The following CDR2L variants were observed in gnomAD, a reference collection of about 807,000 sequenced individuals.
CDR2L encodes the protein cerebellar degeneration related protein 2 like.
Under a neutral mutation model 36.1 loss-of-function variants are expected in CDR2L, and 19 were observed. The ratio of observed to expected loss-of-function variants is 0.53; its 90% confidence interval spans 0.37 to 0.77. CDR2L has a LOEUF of 0.77. CDR2L is among the 30% of genes least tolerant of loss of function. CDR2L has a pLI of 0.00. For synonymous variants in CDR2L, 285 were observed against 280.4 expected (o/e 1.02, Z -0.16); for missense variants, 575 against 627.2 (o/e 0.92, Z 0.89).
At position 75,003,721 on chromosome 17, in the gene CDR2L, G is replaced by A. The variant is rs2039884051; in HGVS notation, c.1045G>A (p.Gly349Ser). The A allele has an allele frequency of 2.0e-6, 3 of 1,470,336 alleles. No individual in the cohort carries two copies. The highest frequency in any genetic ancestry group is 1.8e-6 in the Non-Finnish European group (2 of 1,109,146). The allele number at this position is 1,470,336 out of a possible 1,614,324, so 91.1% of individuals were successfully genotyped here. Residue 349 changes from glycine (G) to serine (S), a missense_variant, in exon 5 of 5, where the codon GGC becomes AGC. By Grantham distance (56) the Gly-to-Ser change is moderately conservative (BLOSUM62 0). Transcript: ENST00000337231. ...GCACGCCAACAGCGTGCGCAAGCGG[G>A]GCATGTCCATCCTGCGGGAGGTGGA... ...TLHANSVRKR[G>S]MSILREVDEQ... is the part of the protein sequence containing the mutation.
chr17:75,003,844 C>T lies in CDR2L; in HGVS notation c.1168C>T (p.Arg390Cys). 2 of 1,577,126 alleles carry T rather than the reference C, an allele frequency of 1.3e-6. No individual in the cohort carries two copies. Among genetic ancestry groups the T allele is most frequent in the Non-Finnish European group, 1.7e-6 (2 of 1,162,596 alleles). Residue 390 changes from arginine to cysteine, a missense_variant, in exon 5 of 5, where the codon CGC becomes TGC. Arg to Cys is a radical substitution (Grantham distance 180, BLOSUM62 -3). Transcript: ENST00000337231. ...GVRHAGVQTS[R>C]PISRDSSWRD... ...GCGGCACGCCGGCGTGCAGACCTCG[C>T]GCCCCATCTCCCGGGACAGCTCGTG...
intron 3 of CDR2L, 127 bp downstream of exon 3, chr17:75,001,616 C>A: frequency 1.1e-6 from 1 of 872,746 alleles, no homozygotes; most frequent in Admixed American, 3.5e-5. Context: ...TGGGAGTGAG[C>A]TTGTCCTTGT....
intron 1 of CDR2L, among the ~76,000 whole-genome samples, chr17:74,991,574 G>A (rs1021912805): frequency 1.3e-4 from 20 of 151,704 alleles, no homozygotes; most frequent in Admixed American, 6.6e-4. Context: ...AAAATTAGCC[G>A]GGCGCGGTGG....
rs190345265 is a variant in CDR2L at position 74,994,036 on chromosome 17, C to G, written c.80-5468C>G. Among the ~76,000 whole-genome samples the G allele has an allele frequency of 3.3e-4, 51 of 152,336 alleles. 1 individual carries two copies. The highest frequency in any genetic ancestry group is 3.1e-3 in the Admixed American group (47 of 15,300). On this transcript the variant is annotated intron_variant, in intron 1 of 4. Transcript: ENST00000337231. ...GGCCCAAGGCTCTGCCCTCAGCTGC[C>G]CACCAAGAGTCACTGCTTGCCTGGG...
chr17:74,990,560 G>T (rs1010804899), intron 1 of CDR2L, among the ~76,000 whole-genome samples: 1 of 152,222 alleles, frequency 6.6e-6, no homozygotes, highest in Admixed American at 6.5e-5. Flanking sequence ...GACTTAGAAA[G>T]GTTTATGCCA....
chr17:75,000,530 C>T (rs1162048652), intron 2 of CDR2L, among the ~76,000 whole-genome samples: 1 of 147,488 alleles, frequency 6.8e-6, no homozygotes, highest in Non-Finnish European at 1.5e-5. Context: ...CATCTCCTGA[C>T]CTCGTGATCT....
At chr17:74,999,648 CT>C (rs1182618346) in intron 2 of CDR2L, 32 bp downstream of exon 2, 1 of 1,352,000 alleles carries the variant, frequency 7.4e-7, no homozygotes, top group East Asian at 2.5e-5. Flanking sequence ...GCCCACACCC[CT>C]CGAGGGCCCC....
intron 1 of CDR2L, among the ~76,000 whole-genome samples, chr17:74,992,937 C>T (rs535531907): frequency 1.3e-5 from 2 of 152,332 alleles, no homozygotes; most frequent in African/African-American, 4.8e-5. Flanking sequence ...ACCTCTGATG[C>T]AGTGGCTTTG....
At chr17:74,993,899 C>T (rs2039810699) in intron 1 of CDR2L, among the ~76,000 whole-genome samples, 1 of 152,212 alleles carries the variant, frequency 6.6e-6, no homozygotes, top group Admixed American at 6.5e-5. Flanking sequence ...CAGGATCAGA[C>T]TCCGGATTTG....
chr17:74,996,852 G>C (rs1312509281), intron 1 of CDR2L, among the ~76,000 whole-genome samples: 3 of 152,078 alleles, frequency 2.0e-5, no homozygotes, highest in African/African-American at 4.8e-5. Context: ...CCCGATACCT[G>C]AATTCTCCCC....
rs1340929213 is a variant in CDR2L at position 74,989,982 on chromosome 17, G to C, written c.79+1860G>C. 1.3e-5 allele frequency among the ~76,000 whole-genome samples: 2 copies of C among 152,220 alleles called. No homozygotes were observed. The highest frequency in any genetic ancestry group is 2.9e-5 in the Non-Finnish European group (2 of 68,040). ...GCAGTGGGGAGGGCTTCCTGGAAGA[G>C]CCAGGCTTAGAAAGAAAGATCAGAA... is the stretch of plus-strand genomic sequence containing the variant. On this transcript the variant is annotated intron_variant, in intron 1 of 4. Transcript: ENST00000337231. This position sits in a 1 kb window ranked among gnomAD's most constrained non-coding sequence, Gnocchi z 4.2.
intron 1 of CDR2L, among the ~76,000 whole-genome samples, chr17:74,997,074 TTCTTTCTTTC>T (rs1439572757): frequency 0.028 from 100 of 3,616 alleles, 11 homozygotes; most frequent in Non-Finnish European, 0.091. Flanking sequence ...CTTTCTTTCT[TTCTTTCTTTC>T]TTTTTTTTTT....
intron 1 of CDR2L, among the ~76,000 whole-genome samples, chr17:74,988,732 C>T (rs1179725887): frequency 6.6e-6 from 1 of 152,200 alleles, no homozygotes; most frequent in Non-Finnish European, 1.5e-5. Context: ...GCCCGGTCCC[C>T]TTGCAAATGG....
chr17:74,999,554 G>T lies in CDR2L; in HGVS notation c.130G>T (p.Glu44Ter). 1 of 1,589,486 alleles carries T rather than the reference G, an allele frequency of 6.3e-7. No individual in the cohort carries two copies. The highest frequency in any genetic ancestry group is 8.6e-7 in the Non-Finnish European group (1 of 1,168,326). ...GAAGACTCTGCTGGAGAGGAACAAG[G>T]AGCTGGAGGGGTCCCTGCAGCAGAT... ...LGKTLLERNK[E>*]LEGSLQQMYS... Residue 44 changes from glutamate to a stop codon, truncating the protein, a stop_gained, in exon 2 of 5, where the codon GAG (glutamate) becomes TAG (stop). Coordinates refer to ENST00000337231, the MANE Select transcript of CDR2L (RefSeq NM_014603.3). LOFTEE classifies it high-confidence loss of function.
Position 75,002,577 on chromosome 17 carries a change from A to G in CDR2L, c.506+349A>G, listed in dbSNP as rs575230858. On this transcript the variant is annotated intron_variant, in intron 4 of 4. Transcript: ENST00000337231. This position sits in a 1 kb window ranked among gnomAD's most constrained non-coding sequence, Gnocchi z 4.1. The stretch of plus-strand genomic sequence containing the variant: ...TAACCCACTGTGCTTTTCAGTTCCC[A>G]TTAAATCTAACACTAGACAACCACT... 2.2e-4 allele frequency among the ~76,000 whole-genome samples: 34 copies of G among 152,364 alleles called. 2 individuals carry two copies. In the South Asian group the frequency reaches 6.8e-3, roughly 31 times the overall value.
intron 1 of CDR2L, among the ~76,000 whole-genome samples, chr17:74,988,794 G>C (rs929166145): frequency 2.0e-5 from 3 of 152,284 alleles, no homozygotes; most frequent in African/African-American, 7.2e-5. Flanking sequence ...TGTGCCAGGC[G>C]AGAGACCGAA....
In CDR2L at chr17:75,003,807, C is replaced by G. The variant is rs529109614; in HGVS notation, c.1131C>G (p.His377Gln). Residue 377 changes from histidine to glutamine, a missense_variant, in exon 5 of 5, where the codon CAC (histidine) becomes CAG (glutamine). Coordinates refer to ENST00000337231, the MANE Select transcript of CDR2L (RefSeq NM_014603.3). ...AGCTGCTGAGCAAGTGCCGGCAGCA[C>G]GGGGCCGGAGTGCGGCACGCCGGCG... The part of the protein sequence containing the change: ...YEELLSKCRQ[H>Q]GAGVRHAGVQ... The G allele has an allele frequency of 3.2e-6, 5 of 1,542,278 alleles. No homozygotes were observed. The South Asian group carries it at 3.6e-5, about 11-fold the overall frequency.
intron 1 of CDR2L, among the ~76,000 whole-genome samples, 179 bp from the exon 2 acceptor site, chr17:74,999,325 C>CACACA (rs368672422): frequency 6.6e-6 from 1 of 150,976 alleles, no homozygotes; most frequent in South Asian, 2.1e-4. Flanking sequence ...CAGACACACA[C>CACACA]AAAAAGAACA....
Position 74,988,118 on chromosome 17 carries a change from G to A in CDR2L, c.75G>A (p.Glu25=). 1.3e-6 allele frequency: 2 copies of A among 1,531,082 alleles called. No individual in the cohort carries two copies. The highest frequency in any genetic ancestry group is 1.2e-5 in the South Asian group (1 of 82,540). The allele number at this position is 1,531,082 out of a possible 1,614,324, so 94.8% of individuals were successfully genotyped here. ...CCTGGTACGACCAGCAGGACCTGGA[G>A]CAGGGTGAGCGCGGGGGCGACCGGG... ...EESWYDQQDL[E]QDLHLAAELG... is the part of the protein sequence containing the mutation. Residue 25 remains glutamate (E), a synonymous_variant, in exon 1 of 5, where the codon GAG becomes GAA. Transcript: ENST00000337231.
Sources: allele counts gnomAD v4.1 joint callset (sites outside exome capture counted in the v4.1 genomes callset), GRCh38; gene constraint gnomAD v4.1.1; non-coding constraint Gnocchi (gnomAD v3.1); transcripts MANE v1.5; gene names NCBI Gene and HGNC (gene_info 2026-07-23, HGNC 2026-07-21).